NEDD4: variants seen among roughly 807,000 people sequenced by gnomAD.
NEDD4 encodes the protein NEDD4 E3 ubiquitin protein ligase.
Under a neutral mutation model 144.9 loss-of-function variants are expected in NEDD4, and 99 were observed. The ratio of observed to expected loss-of-function variants is 0.68; its 90% CI spans 0.58 to 0.81. The LOEUF (loss-of-function observed/expected upper bound fraction) is 0.81. Among genes scored for constraint, NEDD4 ranks in the 30% least tolerant of loss-of-function variants. The pLI is 0.00. For synonymous variants in NEDD4, 318 were observed against 350.6 expected (o/e 0.91, Z 1.04); for missense variants, 985 against 1,065.9 (o/e 0.92, Z 1.06).
chr15:55,935,579 G>A (rs2036869838), intron 4 of NEDD4, among the ~76,000 whole-genome samples: 1 of 152,024 alleles, frequency 6.6e-6, no homozygotes, highest in Non-Finnish European at 1.5e-5. Flanking sequence ...TGGGCGTGGT[G>A]GCTCATGCCT....
intron 5 of NEDD4, among the ~76,000 whole-genome samples, chr15:55,902,136 A>G (rs1206914474): frequency 1.3e-5 from 2 of 152,168 alleles, no homozygotes; most frequent in Admixed American, 1.3e-4. Flanking sequence ...TTTAGGTTCC[A>G]AAGGAAGGCC....
At position 55,872,467 on chromosome 15, in the gene NEDD4, G is replaced by T; in HGVS notation, c.352C>A (p.Pro118Thr). The stretch of plus-strand genomic sequence containing the variant: ...AATGTATATGGTCTCTCCAATCTTG[G>T]ATTTTCTGTCTAGAATAAAATAGTG... ...VPLYPLPTENPRLERPYTFKD... is the reference protein window; with the variant it reads ...VPLYPLPTENTRLERPYTFKD... Residue 118 changes from proline to threonine, a missense_variant, in exon 7 of 29, where the codon CCA (proline) becomes ACA (threonine). Transcript: ENST00000435532. 6.9e-7 allele frequency: 1 copy of T among 1,444,634 alleles called. No homozygotes were observed. The allele number at this position is 1,444,634 out of a possible 1,614,324, so 89.5% of individuals were successfully genotyped here.
chr15:55,829,384 A>G lies in NEDD4; in HGVS notation c.*513T>C, dbSNP rs911691052. The stretch of plus-strand genomic sequence containing the variant: ...CATAAGGCAGGTCTACAAAATAATA[A>G]ATAGCTGCGAGTAGCACTAAATATA... On this transcript the variant is annotated 3_prime_UTR_variant, in exon 29 of 29. Transcript: ENST00000435532. The G allele has an allele frequency of 6.5e-6, 1 of 152,714 alleles. No homozygotes were observed. 9.5% of individuals were successfully genotyped at this position (152,714 alleles called of 1,614,324 possible).
intron 4 of NEDD4, among the ~76,000 whole-genome samples, chr15:55,944,622 T>G (rs555896573): frequency 2.6e-5 from 4 of 152,224 alleles, no homozygotes; most frequent in African/African-American, 9.6e-5. Flanking sequence ...CTGACAGCTC[T>G]GAAGAGAGCA....
rs2035189857 is a variant in NEDD4, at chr15:55,881,406, G to C, written c.292-7398C>G. On this transcript the variant is annotated intron_variant, in intron 5 of 28. Coordinates refer to ENST00000435532, the MANE Select transcript of NEDD4 (RefSeq NM_006154.4). ...TCTACCCACCTCGGCCTTCCAAAGT[G>C]CTGGGATTACAGGCATGAGCCACAG... Among the ~76,000 whole-genome samples the C allele has an allele frequency of 2.0e-5, 3 of 152,062 alleles. No homozygotes were observed. In the South Asian group the frequency reaches 6.2e-4, roughly 32 times the overall value.
At chr15:55,860,930 A>G (rs1458944516) in intron 9 of NEDD4, 152 bp from the exon 10 acceptor site, 1 of 670,292 alleles carries the variant, frequency 1.5e-6, no homozygotes, top group African/African-American at 1.8e-5. Context: ...GCAAAGATTC[A>G]ATCATGGGTA....
intron 5 of NEDD4, among the ~76,000 whole-genome samples, chr15:55,885,644 A>G (rs2035358514): frequency 6.6e-6 from 1 of 152,166 alleles, no homozygotes. Context: ...AATAACTTAT[A>G]AAATATTTGC....
rs116137940 is a variant in NEDD4 at position 55,973,851 on chromosome 15, C to T, written c.46-7305G>A. Among the ~76,000 whole-genome samples the T allele has an allele frequency of 7.9e-3, 1,186 of 150,388 alleles. 16 individuals are homozygous for T. Among genetic ancestry groups the T allele is most frequent in the African/African-American group, 0.028 (1,133 of 41,200 alleles). On this transcript the variant is annotated intron_variant, in intron 1 of 28. Coordinates refer to ENST00000435532, the MANE Select transcript of NEDD4 (RefSeq NM_006154.4). ...GAAAAACTTCAAAAAAAAAAACAAC[C>T]TAGCTATGCATCTTAAAGAACTAGA... is the stretch of plus-strand genomic sequence containing the variant.
Position 55,951,513 on chromosome 15 carries a change from T to C in NEDD4, c.196A>G (p.Lys66Glu). Residue 66 changes from lysine (K) to glutamate (E), a missense_variant and splice_region_variant, in exon 3 of 29, where the codon AAG becomes GAG. By Grantham distance (56) the Lys-to-Glu change is moderately conservative. Coordinates refer to ENST00000435532, the MANE Select transcript of NEDD4 (RefSeq NM_006154.4). ...TTTTGAATATTGCTAAGTCTAACCTTTTTAATGGTTTTTGTTTGCACACTT... is the reference window on the plus strand; with the variant it reads ...TTTTGAATATTGCTAAGTCTAACCTCTTTAATGGTTTTTGTTTGCACACTT... ...LTSVQTKTIK[K>E]SLNPKWNEEI... 6.6e-7 allele frequency: 1 copy of C among 1,526,054 alleles called. No individual in the cohort carries two copies. Among genetic ancestry groups the C allele is most frequent in the Non-Finnish European group, 8.8e-7 (1 of 1,138,566 alleles). 94.5% of individuals were successfully genotyped at this position (1,526,054 alleles called of 1,614,324 possible).
intron 4 of NEDD4, among the ~76,000 whole-genome samples, chr15:55,946,487 A>G (rs1402210367): frequency 1.3e-5 from 2 of 152,202 alleles, no homozygotes; most frequent in East Asian, 1.9e-4. Context: ...CCCAATACAG[A>G]AGCACCCAGA....
intron 1 of NEDD4, among the ~76,000 whole-genome samples, chr15:55,967,458 GTGTGTGTGTGTGTGTGTA>G (rs1283389836): frequency 2.7e-5 from 4 of 150,836 alleles, no homozygotes; most frequent in Non-Finnish European, 4.4e-5. Context: ...GTGTGTGTGT[GTGTGTGTGTGTGTGTGTA>G]TGTGTGTGTA....
intron 5 of NEDD4, among the ~76,000 whole-genome samples, chr15:55,899,672 GTACAGGGGTATCAATGTCTTGCAGCT>G (rs1377520224): frequency 6.6e-6 from 1 of 152,202 alleles, no homozygotes; most frequent in East Asian, 1.9e-4. Context: ...CATTGTGAAA[GTACAGGGGTATCAATGTCTTGCAGCT>G]TGAGACCTAA....
At chr15:55,962,220 T>C (rs1003895705) in intron 2 of NEDD4, among the ~76,000 whole-genome samples, 2 of 152,370 alleles carry the variant, frequency 1.3e-5, no homozygotes, top group East Asian at 1.9e-4. Flanking sequence ...ACTGTTTGCA[T>C]GGCATATCTT....
At chr15:55,889,545 T>C (rs1299366126) in intron 5 of NEDD4, among the ~76,000 whole-genome samples, 2 of 151,270 alleles carry the variant, frequency 1.3e-5, no homozygotes, top group East Asian at 3.9e-4. Flanking sequence ...AGATAGAGAG[T>C]AGAATGATGG....
intron 1 of NEDD4, among the ~76,000 whole-genome samples, chr15:55,982,157 T>C (rs1259289137): frequency 6.6e-6 from 1 of 152,192 alleles, no homozygotes; most frequent in African/African-American, 2.4e-5. Flanking sequence ...ACTAGAACTT[T>C]CACATATTAC....
chr15:55,927,077 CAAAAAAAA>C (rs57940091), intron 4 of NEDD4, among the ~76,000 whole-genome samples: 3 of 70,656 alleles, frequency 4.2e-5, no homozygotes, highest in African/African-American at 1.6e-4. Flanking sequence ...GACTACGTCT[CAAAAAAAA>C]AAAAAAAAAA....
intron 8 of NEDD4, among the ~76,000 whole-genome samples, chr15:55,865,127 G>C (rs1171689289): frequency 6.6e-6 from 1 of 151,132 alleles, no homozygotes; most frequent in Non-Finnish European, 1.5e-5. Flanking sequence ...GAGCCCAGGA[G>C]GCAGAGGTTG....
chr15:55,853,300 C>A (rs1375281328), intron 12 of NEDD4, among the ~76,000 whole-genome samples: 3 of 152,046 alleles, frequency 2.0e-5, no homozygotes, highest in Admixed American at 1.3e-4. Flanking sequence ...GTGATAACAA[C>A]CCTAATAAAA....
intron 4 of NEDD4, among the ~76,000 whole-genome samples, chr15:55,939,063 G>T (rs1328019399): frequency 6.6e-6 from 1 of 152,130 alleles, no homozygotes; most frequent in Non-Finnish European, 1.5e-5. Flanking sequence ...CCATGATTGT[G>T]CCACTGCGCT....
Sources: allele counts gnomAD v4.1 joint callset (sites outside exome capture counted in the v4.1 genomes callset), GRCh38; gene constraint gnomAD v4.1.1; transcripts MANE v1.5; gene names NCBI Gene and HGNC (gene_info 2026-07-23, HGNC 2026-07-21).